FRYL: variants seen among roughly 807,000 people sequenced by gnomAD.
FRYL encodes the protein FRY like transcription coactivator, also known as protein furry homolog-like.
Under a neutral mutation model 351.2 loss-of-function variants are expected in FRYL, and 150 were observed. The observed-to-expected ratio is 0.43, with a 90% confidence interval of 0.37 to 0.49. FRYL has a LOEUF of 0.49. FRYL is among the 20% of genes least tolerant of loss of function. FRYL has a pLI of 0.00. For missense variants in FRYL, 3,036 were observed against 3,619.3 expected (o/e 0.84, Z 4.13); for synonymous variants, 1,153 against 1,257.1 (o/e 0.92, Z 1.75).
At chr4:48,511,016 G>A (rs1455214615) in intron 57 of FRYL, 32 bp from the exon 58 acceptor site, 1 of 1,558,414 alleles carries the variant, frequency 6.4e-7, no homozygotes, top group African/African-American at 1.4e-5. Flanking sequence ...AGAGTTTAGT[G>A]TTTCATAAGA....
intron 3 of FRYL, among the ~76,000 whole-genome samples, chr4:48,653,064 G>A (rs1758057100): frequency 6.6e-6 from 1 of 152,160 alleles, no homozygotes; most frequent in Non-Finnish European, 1.5e-5. Flanking sequence ...AAGTGTGATT[G>A]AAATATTGAA....
chr4:48,511,089 A>G, intron 57 of FRYL, 105 bp from the exon 58 acceptor site: 1 of 642,752 alleles, frequency 1.6e-6, no homozygotes, highest in South Asian at 2.2e-5. Context: ...TAAAATTATA[A>G]TGATATATAG....
intron 13 of FRYL, among the ~76,000 whole-genome samples, chr4:48,598,607 T>C (rs1206937903): frequency 6.6e-6 from 1 of 152,230 alleles, no homozygotes; most frequent in Non-Finnish European, 1.5e-5. Flanking sequence ...GAATCAGCAT[T>C]CAGTGTCAGT....
chr4:48,521,790 A>C (rs1463283809), intron 54 of FRYL, among the ~76,000 whole-genome samples: 1 of 152,192 alleles, frequency 6.6e-6, no homozygotes, highest in Non-Finnish European at 1.5e-5. Flanking sequence ...TTGGTCATTG[A>C]ACACTTAAAT....
intron 1 of FRYL, among the ~76,000 whole-genome samples, chr4:48,758,152 T>C (rs1773997357): frequency 6.6e-6 from 1 of 152,154 alleles, no homozygotes; most frequent in Non-Finnish European, 1.5e-5. Flanking sequence ...ACCTAGGCAA[T>C]ACCATTCAGG....
chr4:48,654,457 G>T (rs186484533), intron 3 of FRYL, among the ~76,000 whole-genome samples: 20 of 152,206 alleles, frequency 1.3e-4, no homozygotes, highest in Admixed American at 5.9e-4. Context: ...TTGTGATGAT[G>T]CAGAGTCCAC....
In FRYL at chr4:48,770,174, T is replaced by C. The variant is rs78656922; in HGVS notation, c.-384+9904A>G. Among the ~76,000 whole-genome samples the C allele has an allele frequency of 3.1e-3, 477 of 152,354 alleles. 5 individuals are homozygous for C. Among genetic ancestry groups the C allele is most frequent in the Non-Finnish European group, 5.1e-3 (349 of 68,034 alleles). On this transcript the variant is annotated intron_variant, in intron 1 of 63. Coordinates refer to ENST00000358350, the MANE Select transcript of FRYL (RefSeq NM_015030.2). ...TTAAGGTTATTAATATGTTATCTTA[T>C]GTAAGATGTTACAACTGGGAGAAGC...
chr4:48,583,635 G>C (rs1466698167), intron 19 of FRYL, among the ~76,000 whole-genome samples: 2 of 152,000 alleles, frequency 1.3e-5, no homozygotes, highest in East Asian at 3.9e-4. Flanking sequence ...GAGCTCAGTG[G>C]CTCACACTTA....
intron 1 of FRYL, among the ~76,000 whole-genome samples, chr4:48,736,856 AAAAAAAAAAAAAAAG>A (rs1771483713): frequency 6.7e-6 from 1 of 149,014 alleles, no homozygotes; most frequent in African/African-American, 2.5e-5. Flanking sequence ...TCTCGAAAAA[AAAAAAAAAAAAAAAG>A]AAAAAAGAAA....
In FRYL at chr4:48,499,079, A is replaced by G. The variant is rs145929769; in HGVS notation, c.*343T>C. The G allele has an allele frequency of 1.5e-5, 3 of 198,266 alleles. No homozygotes were observed. The highest frequency in any genetic ancestry group is 3.1e-5 in the Non-Finnish European group (3 of 96,478). The allele number at this position is 198,266 out of a possible 1,614,324, so 12.3% of individuals were successfully genotyped here. A position where few individuals can be genotyped will look rare whatever the true frequency, so the allele number is the denominator to read the frequency against. ...CATTTCACCTGCTTTTGGTTGTTTC[A>G]GTATTGGAGGCCATTATTGCAAACA... On this transcript the variant is annotated 3_prime_UTR_variant, in exon 64 of 64. Transcript: ENST00000358350.
chr4:48,591,252 C>T (rs368729834), intron 16 of FRYL, among the ~76,000 whole-genome samples: 1 of 152,256 alleles, frequency 6.6e-6, no homozygotes. Context: ...CTCCCTTTTG[C>T]TCTTGGTATA....
In FRYL at chr4:48,517,903, T is replaced by TA. The variant is rs577190492; in HGVS notation, c.7690-2629dup. ...TATTCTTTGTCTTAAGAAGTTGCCT[T>TA]AAAAATAATTATGGTTTTATTTCAA... is the stretch of plus-strand genomic sequence containing the variant. On this transcript the variant is annotated intron_variant, in intron 55 of 63. Coordinates refer to ENST00000358350, the MANE Select transcript of FRYL (RefSeq NM_015030.2). Among the ~76,000 whole-genome samples the TA allele has an allele frequency of 1.8e-3, 273 of 152,352 alleles. 2 individuals carry two copies. Among genetic ancestry groups the TA allele is most frequent in the African/African-American group, 6.1e-3 (255 of 41,598 alleles).
At chr4:48,508,582 G>A (rs1056573439) in intron 59 of FRYL, among the ~76,000 whole-genome samples, 7 of 152,144 alleles carry the variant, frequency 4.6e-5, no homozygotes, top group Non-Finnish European at 2.9e-5. Flanking sequence ...ATGAATCTAT[G>A]TGCTGGCTGG....
At chr4:48,653,107 AG>A (rs1758070725) in intron 3 of FRYL, among the ~76,000 whole-genome samples, 1 of 152,252 alleles carries the variant, frequency 6.6e-6, no homozygotes, top group African/African-American at 2.4e-5. Context: ...TTCATATGTT[AG>A]GAAGAGAGTT....
At chr4:48,504,174 CT>C (rs1720381701) in intron 60 of FRYL, among the ~76,000 whole-genome samples, 1 of 151,996 alleles carries the variant, frequency 6.6e-6, no homozygotes, top group Non-Finnish European at 1.5e-5. Flanking sequence ...TTTGCACATT[CT>C]TTTATTCATC....
rs538281652 is a variant in FRYL, at chr4:48,549,043, G to A, written c.4785-250C>T. 2.6e-5 allele frequency among the ~76,000 whole-genome samples: 4 copies of A among 152,306 alleles called. No individual in the cohort carries two copies. In the East Asian group the frequency reaches 5.8e-4, roughly 22 times the overall value. ...CATTTTCTTCATCTTTCAACCTTGA[G>A]ACTTAGCACACTGCTTGCCACAGTA... On this transcript the variant is annotated intron_variant, in intron 39 of 63. Coordinates refer to ENST00000358350, the MANE Select transcript of FRYL (RefSeq NM_015030.2). This position sits in a 1 kb window ranked among gnomAD's most constrained non-coding sequence, Gnocchi z 4.2.
intron 19 of FRYL, 98 bp downstream of exon 19, chr4:48,586,523 A>G: frequency 1.3e-6 from 1 of 770,852 alleles, no homozygotes; most frequent in Non-Finnish European, 2.2e-6. Flanking sequence ...AAATGTCTTT[A>G]ACATCGCCTT....
At chr4:48,688,874 G>C (rs1765420089) in intron 2 of FRYL, among the ~76,000 whole-genome samples, 1 of 151,852 alleles carries the variant, frequency 6.6e-6, no homozygotes, top group African/African-American at 2.4e-5. Context: ...ATGTTGGCCA[G>C]GCTAGTCTTG....
chr4:48,750,231 C>T (rs1281423697), intron 1 of FRYL, among the ~76,000 whole-genome samples: 8 of 151,354 alleles, frequency 5.3e-5, no homozygotes, highest in Non-Finnish European at 7.4e-5. Context: ...GAGGCCGAGG[C>T]GAACAAATCG....
Sources: allele counts gnomAD v4.1 joint callset (sites outside exome capture counted in the v4.1 genomes callset), GRCh38; gene constraint gnomAD v4.1.1; non-coding constraint Gnocchi (gnomAD v3.1); transcripts MANE v1.5; gene names NCBI Gene and HGNC (gene_info 2026-07-23, HGNC 2026-07-21).